The following XKR9 variants were observed in gnomAD, a reference collection of about 807,000 sequenced individuals.
XKR9 encodes the protein XK-related protein 9.
Under a neutral mutation model 32.0 loss-of-function variants are expected in XKR9, and 32 were observed. The observed-to-expected ratio is 1.00, with a 90% CI of 0.76 to 1.34. XKR9 has a LOEUF of 1.34. XKR9 is among the 40% of genes most tolerant of loss of function. The pLI is 0.00. For missense variants in XKR9, 546 were observed against 429.7 expected, an observed-to-expected ratio of 1.27 and a Z score of -2.39; for synonymous variants, 168 against 143.4, an observed-to-expected ratio of 1.17 and a Z score of -1.22.
At chr8:70,962,720 T>A in the XKR9 span, among the ~76,000 whole-genome samples, 1 of 152,200 alleles carries the variant, frequency 6.6e-6, no homozygotes, top group Non-Finnish European at 1.5e-5. Flanking sequence ...TCAATGTGCA[T>A]GAGTCTTTTT....
At chr8:70,770,378 G>C (rs1382179341) in intron 2 of XKR9, among the ~76,000 whole-genome samples, 1 of 152,152 alleles carries the variant, frequency 6.6e-6, no homozygotes. Context: ...GGTGTCTGTC[G>C]ACCCCTGCTC....
the XKR9 span, among the ~76,000 whole-genome samples, chr8:70,939,532 C>G: frequency 4.6e-5 from 7 of 152,130 alleles, no homozygotes; most frequent in African/African-American, 1.7e-4. Context: ...TTAGAAAATC[C>G]TGTATCTTCA....
At chr8:70,779,864 C>T (rs549892676) in intron 2 of XKR9, among the ~76,000 whole-genome samples, 1 of 152,072 alleles carries the variant, frequency 6.6e-6, no homozygotes, top group Non-Finnish European at 1.5e-5. Flanking sequence ...ATTAGTCTTG[C>T]TAGCAGTGTA....
the XKR9 span, among the ~76,000 whole-genome samples, chr8:70,934,172 G>A: frequency 6.6e-6 from 1 of 151,996 alleles, no homozygotes; most frequent in Admixed American, 6.6e-5. Context: ...CCCTTGCCTG[G>A]TTGAGCATTG....
At chr8:70,732,612 A>T (rs1806709450) in intron 4 of XKR9, among the ~76,000 whole-genome samples, 1 of 152,214 alleles carries the variant, frequency 6.6e-6, no homozygotes. Flanking sequence ...TGGGAATTAC[A>T]ATAGAGAAAG....
chr8:70,879,450 A>G, the XKR9 span, among the ~76,000 whole-genome samples: 1 of 152,184 alleles, frequency 6.6e-6, no homozygotes, highest in Non-Finnish European at 1.5e-5. Context: ...AATCAAATAG[A>G]CAAAATAAAA....
the XKR9 span, among the ~76,000 whole-genome samples, chr8:70,848,960 G>A: frequency 6.6e-6 from 1 of 152,112 alleles, no homozygotes; most frequent in Middle Eastern, 3.2e-3. Flanking sequence ...CAAGTTCTTA[G>A]AGACCTACAA....
At chr8:70,691,469 A>C (rs1052473147) in intron 3 of XKR9, among the ~76,000 whole-genome samples, 1 of 152,052 alleles carries the variant, frequency 6.6e-6, no homozygotes, top group Admixed American at 6.6e-5. Flanking sequence ...TGGTGTCTTC[A>C]TCATGAAATC....
At position 70,671,725 on chromosome 8, in the gene XKR9, A is replaced by T. The variant is rs268643; in HGVS notation, c.-361+2187A>T. Among the ~76,000 whole-genome samples the T allele has an allele frequency of 2.1e-4, 19 of 89,978 alleles. 6 individuals are homozygous for T. The highest frequency in any genetic ancestry group is 4.7e-4 in the Non-Finnish European group (17 of 35,892). The allele number at this position is 89,978 out of a possible 152,430, so 59.0% of individuals were successfully genotyped here. A position where few individuals can be genotyped will look rare whatever the true frequency, so the allele number is the denominator to read the frequency against. ...ATATGTGCCACATTTTCTTAATCCA[A>T]TCTATCATTGTTGGACATTTGGGTT... On this transcript the variant is annotated intron_variant, in intron 1 of 4. Coordinates refer to ENST00000408926, the MANE Select transcript of XKR9 (RefSeq NM_001011720.2).
the XKR9 span, among the ~76,000 whole-genome samples, chr8:70,801,761 G>A: frequency 2.6e-5 from 4 of 152,148 alleles, no homozygotes; most frequent in African/African-American, 9.7e-5. Context: ...TCAGTGGGGT[G>A]TGGAAGTCTC....
chr8:70,953,040 G>A, the XKR9 span, among the ~76,000 whole-genome samples: 42 of 152,226 alleles, frequency 2.8e-4, no homozygotes, highest in Admixed American at 2.6e-3. Flanking sequence ...CATTCTAGAC[G>A]TGCAGGAGGA....
In XKR9 at chr8:70,764,038, C is replaced by T. The variant is rs150099019; in HGVS notation, n.353-25301C>T. On this transcript the variant is annotated intron_variant and non_coding_transcript_variant, in intron 2 of 3. Coordinates refer to the XKR9 transcript ENST00000520273. ...GTCTCAAGTTTTTAGCCACATACTG[C>T]AGATAGTTTTGAGTCTATAGCCTTA... Among the ~76,000 whole-genome samples the T allele has an allele frequency of 4.8e-3, 734 of 152,304 alleles. 6 individuals are homozygous for T. Among genetic ancestry groups the T allele is most frequent in the Admixed American group, 0.013 (192 of 15,292 alleles).
the XKR9 span, among the ~76,000 whole-genome samples, chr8:71,011,512 G>A: frequency 9.4e-3 from 1,436 of 152,244 alleles, 23 homozygotes; most frequent in African/African-American, 0.033. Flanking sequence ...GAAACTAAAC[G>A]TAAACTTCTC....
the XKR9 span, among the ~76,000 whole-genome samples, chr8:70,907,348 T>C: frequency 1.3e-5 from 2 of 152,164 alleles, no homozygotes; most frequent in African/African-American, 4.8e-5. Context: ...AAAAAGTTAA[T>C]AGTGATAGAA....
the XKR9 span, among the ~76,000 whole-genome samples, chr8:71,040,338 C>T: frequency 6.6e-6 from 1 of 152,122 alleles, no homozygotes. Flanking sequence ...ATTAGAGGCT[C>T]ATTGACTCTA....
chr8:70,792,620 G>C (rs1807778953), downstream of XKR9, among the ~76,000 whole-genome samples: 1 of 152,218 alleles, frequency 6.6e-6, no homozygotes, highest in South Asian at 2.1e-4. Flanking sequence ...GCTTTAAGGA[G>C]CCTGACAAGG....
the XKR9 span, among the ~76,000 whole-genome samples, chr8:70,923,611 C>T: frequency 6.6e-6 from 1 of 152,200 alleles, no homozygotes; most frequent in African/African-American, 2.4e-5. Context: ...TAAGACGTTT[C>T]AACCACAGTG....
intron 2 of XKR9, among the ~76,000 whole-genome samples, chr8:70,777,202 T>C (rs199946632): frequency 2.6e-5 from 4 of 151,580 alleles, no homozygotes; most frequent in African/African-American, 9.7e-5. Flanking sequence ...TGAAAACATG[T>C]GGTGTTTGTT....
At chr8:70,728,589 C>A (rs1470332367) in intron 4 of XKR9, among the ~76,000 whole-genome samples, 1 of 152,138 alleles carries the variant, frequency 6.6e-6, no homozygotes, top group Non-Finnish European at 1.5e-5. Flanking sequence ...GAACTTGTAG[C>A]CCACAAAGAA....
Sources: gnomAD v4.1 joint callset for allele counts (sites outside exome capture counted in the v4.1 genomes callset) on GRCh38, gnomAD v4.1.1 for gene constraint, MANE v1.5 for transcripts, NCBI Gene and HGNC (gene_info 2026-07-23, HGNC 2026-07-21) for gene names.